The following MAP7 variants were observed in gnomAD, a reference collection of about 807,000 sequenced individuals.
MAP7 encodes ensconsin.
Under a neutral mutation model 94.8 loss-of-function variants are expected in MAP7, and 52 were observed. That is an observed-to-expected ratio of 0.55 (90% CI 0.44 to 0.69). The LOEUF is 0.69. MAP7 is among the 30% of genes least tolerant of loss of function. The pLI, the probability that MAP7 is intolerant of heterozygous loss-of-function variation, is 0.00. For synonymous variants in MAP7, 350 were observed against 357.0 expected (o/e 0.98, Z 0.22); for missense variants, 940 against 964.6 (o/e 0.97, Z 0.34).
At chr6:136,490,316 C>T (rs1758147695) in intron 1 of MAP7, among the ~76,000 whole-genome samples, 1 of 152,122 alleles carries the variant, frequency 6.6e-6, no homozygotes, top group Non-Finnish European at 1.5e-5. Flanking sequence ...CAAGGAAAAG[C>T]CACTTCCATC....
rs17722727 is a variant in MAP7, at chr6:136,350,208, G to A, written c.2016-4129C>T. Among the ~76,000 whole-genome samples, 1,277 of 152,170 alleles carry A rather than the reference G, an allele frequency of 8.4e-3. 21 individuals carry two copies. Among genetic ancestry groups the A allele is most frequent in the East Asian group, 0.039 (202 of 5,174 alleles). ...CACCATGTTCTTTGGCAGGGACCCC[G>A]AGCATTTCCATTAATCAGTGATTTA... On this transcript the variant is annotated intron_variant, in intron 16 of 17. Transcript: ENST00000354570.
chr6:136,449,185 C>T (rs1266890699), intron 1 of MAP7, among the ~76,000 whole-genome samples: 2 of 152,090 alleles, frequency 1.3e-5, no homozygotes, highest in African/African-American at 4.8e-5. Flanking sequence ...GTCCCAGCTA[C>T]TGGGGAGGCT....
At chr6:136,360,838 C>G (rs753188327) in intron 12 of MAP7, 40 bp from the exon 13 acceptor site, 12 of 1,602,150 alleles carry the variant, frequency 7.5e-6, no homozygotes, top group Non-Finnish European at 9.4e-6. Flanking sequence ...GACAAACAGG[C>G]GGGCTGCCCG....
chr6:136,385,507 C>T (rs181055184), intron 5 of MAP7, among the ~76,000 whole-genome samples: 3 of 152,252 alleles, frequency 2.0e-5, no homozygotes, highest in East Asian at 1.9e-4. Flanking sequence ...TGTGTCCACA[C>T]GCAGGCCTAT....
intron 1 of MAP7, among the ~76,000 whole-genome samples, chr6:136,441,395 T>A (rs1338963911): frequency 6.6e-6 from 1 of 152,160 alleles, no homozygotes; most frequent in Non-Finnish European, 1.5e-5. Context: ...GAGCAGAAAA[T>A]GTTCACGAAA....
intron 3 of MAP7, among the ~76,000 whole-genome samples, chr6:136,410,714 C>T (rs760547564): frequency 1.3e-5 from 2 of 152,228 alleles, no homozygotes; most frequent in Non-Finnish European, 2.9e-5. Flanking sequence ...CCAGCTTCCA[C>T]TACATTTCAC....
chr6:136,390,115 T>C (rs1780284881), intron 3 of MAP7, among the ~76,000 whole-genome samples: 1 of 152,162 alleles, frequency 6.6e-6, no homozygotes, highest in Non-Finnish European at 1.5e-5. Context: ...AAAAATACAA[T>C]CCAAAATTAT....
At chr6:136,525,242 A>T (rs1293715355) in intron 1 of MAP7, among the ~76,000 whole-genome samples, 1 of 152,184 alleles carries the variant, frequency 6.6e-6, no homozygotes, top group African/African-American at 2.4e-5. Context: ...AGTTATCATC[A>T]ACAGTTATAC....
At chr6:136,514,250 C>T (rs1220299709) in intron 1 of MAP7, among the ~76,000 whole-genome samples, 1 of 152,100 alleles carries the variant, frequency 6.6e-6, no homozygotes, top group Non-Finnish European at 1.5e-5. Context: ...GATCCATGGA[C>T]TGAAAAATGG....
intron 5 of MAP7, among the ~76,000 whole-genome samples, chr6:136,385,517 T>A (rs946112201): frequency 9.2e-5 from 14 of 152,314 alleles, no homozygotes; most frequent in African/African-American, 3.1e-4. Flanking sequence ...CGCAGGCCTA[T>A]CCTCAGGCAG....
intron 1 of MAP7, among the ~76,000 whole-genome samples, chr6:136,521,640 G>A (rs1475130659): frequency 6.6e-6 from 1 of 152,208 alleles, no homozygotes; most frequent in African/African-American, 2.4e-5. Flanking sequence ...TTGTGTAATA[G>A]TCATGAAGCC....
At chr6:136,405,401 C>T (rs1019084020) in intron 3 of MAP7, among the ~76,000 whole-genome samples, 2 of 152,124 alleles carry the variant, frequency 1.3e-5, no homozygotes, top group Non-Finnish European at 2.9e-5. Context: ...GAGAAGGTGG[C>T]ATTTAAATGA....
At chr6:136,352,996 T>A (rs147850193) in intron 16 of MAP7, among the ~76,000 whole-genome samples, 1 of 152,310 alleles carries the variant, frequency 6.6e-6, no homozygotes, top group East Asian at 1.9e-4. Context: ...GAAGCAGAAT[T>A]TCTTAGGCTA....
rs1278491777 is a variant in MAP7, at chr6:136,365,895, A to G, written c.1113T>C (p.Pro371=). The G allele has an allele frequency of 3.7e-6, 6 of 1,614,086 alleles. No individual in the cohort carries two copies. Among genetic ancestry groups the G allele is most frequent in the East Asian group, 2.2e-5 (1 of 44,858 alleles). Residue 371 remains proline, a synonymous_variant, in exon 10 of 18, where the codon CCT becomes CCC. Transcript: ENST00000354570. The part of the protein sequence containing the change: ...VRPPSPGNIR[P]VKREVKVEPE... ...GCTCCACTTTGACTTCCCTCTTGAC[A>G]GGGCGGATGTTGCCGGGGGATGGGG...
intron 1 of MAP7, among the ~76,000 whole-genome samples, chr6:136,513,582 G>A (rs185766856): frequency 7.0e-4 from 106 of 152,258 alleles, no homozygotes; most frequent in Non-Finnish European, 7.3e-5. Flanking sequence ...GAAGGTTGGG[G>A]TCAACTGCTT....
chr6:136,400,199 G>T (rs1185457119), intron 3 of MAP7, among the ~76,000 whole-genome samples: 1 of 151,868 alleles, frequency 6.6e-6, no homozygotes. Flanking sequence ...GGCAGATCAC[G>T]AGGTCAGGAG....
Position 136,458,840 on chromosome 6 carries a change from TC to T in MAP7, c.68-37042del, listed in dbSNP as rs199597575. Among the ~76,000 whole-genome samples, 677 of 152,144 alleles carry T rather than the reference TC, an allele frequency of 4.4e-3. 5 individuals carry two copies. Among genetic ancestry groups the T allele is most frequent in the African/African-American group, 0.015 (632 of 41,562 alleles). On this transcript the variant is annotated intron_variant, in intron 1 of 17. Transcript: ENST00000354570. ...ATAGGGAGAAGGTTCATGACAGTGGTCTTGGCAATGATTTCTTGAGCATGAC... is the reference window on the plus strand; with the variant it reads ...ATAGGGAGAAGGTTCATGACAGTGGTTTGGCAATGATTTCTTGAGCATGAC...
intron 1 of MAP7, among the ~76,000 whole-genome samples, chr6:136,463,539 C>A (rs1169795281): frequency 1.3e-5 from 2 of 151,922 alleles, no homozygotes; most frequent in Admixed American, 1.3e-4. Flanking sequence ...GGTGTTTTTT[C>A]CACCTTAACT....
intron 1 of MAP7, among the ~76,000 whole-genome samples, chr6:136,491,840 T>C (rs1816707734): frequency 6.6e-6 from 1 of 152,138 alleles, no homozygotes; most frequent in Non-Finnish European, 1.5e-5. Context: ...AAGAATGGCA[T>C]TTACAGGAAA....
Sources: gnomAD v4.1 joint callset for allele counts (sites outside exome capture counted in the v4.1 genomes callset) on GRCh38, gnomAD v4.1.1 for gene constraint, MANE v1.5 for transcripts, NCBI Gene and HGNC (gene_info 2026-07-23, HGNC 2026-07-21) for gene names.